COL28A1: variants seen among roughly 807,000 people sequenced by gnomAD.
The protein encoded by COL28A1 is collagen alpha-1(XXVIII) chain.
In COL28A1, 161 loss-of-function variants were observed where a neutral mutation model predicts 150.2. The observed-to-expected ratio is 1.07, with a 90% CI of 0.94 to 1.22. The LOEUF (loss-of-function observed/expected upper bound fraction) is 1.22. Ranked by LOEUF, COL28A1 falls within the 50% of genes most tolerant of loss-of-function variation. COL28A1 has a pLI of 0.00. For missense variants in COL28A1, 1,617 were observed against 1,388.3 expected (o/e 1.16, Z -2.62); for synonymous variants, 552 against 469.7 (o/e 1.18, Z -2.26).
Position 7,424,222 on chromosome 7 carries a change from T to C in COL28A1, c.1999-4269A>G, listed in dbSNP as rs150448615. Among the ~76,000 whole-genome samples the C allele has an allele frequency of 9.2e-5, 14 of 152,310 alleles. 1 individual carries two copies. The East Asian group carries it at 2.7e-3, about 29-fold the overall frequency. ...TCAGTGTATATGTACCATACTTTGATAGATGGGAACATTAGGCATTTAATG... is the reference window on the plus strand; with the variant it reads ...TCAGTGTATATGTACCATACTTTGACAGATGGGAACATTAGGCATTTAATG... On this transcript the variant is annotated intron_variant, in intron 25 of 34. Transcript: ENST00000399429.
intron 2 of COL28A1, 142 bp from the exon 3 acceptor site, chr7:7,532,046 G>C: frequency 1.8e-6 from 1 of 545,792 alleles, no homozygotes; most frequent in African/African-American, 1.9e-5. Flanking sequence ...ACGTTGGACA[G>C]AAGGCTTCAA....
At chr7:7,515,009 C>T (rs1453659953) in intron 8 of COL28A1, among the ~76,000 whole-genome samples, 1 of 152,180 alleles carries the variant, frequency 6.6e-6, no homozygotes. Flanking sequence ...CCTGCAGACT[C>T]CTGGCTCCAT....
At chr7:7,349,921 A>T in the COL28A1 span, among the ~76,000 whole-genome samples, 2,132 of 152,208 alleles carry the variant, frequency 0.014, 65 homozygotes, top group African/African-American at 0.049. Flanking sequence ...TCTCAAAAAG[A>T]AGCAAATAGT....
intron 11 of COL28A1, 106 bp downstream of exon 11, chr7:7,505,908 G>T: frequency 1.3e-6 from 1 of 751,594 alleles, no homozygotes; most frequent in Non-Finnish European, 2.4e-6. Context: ...ATTTCCAAAG[G>T]TACTTCCTCA....
intron 25 of COL28A1, among the ~76,000 whole-genome samples, chr7:7,428,032 T>C (rs1049118664): frequency 6.6e-6 from 1 of 152,246 alleles, no homozygotes; most frequent in African/African-American, 2.4e-5. Flanking sequence ...AAGAGACAAG[T>C]TGCTCAACCT....
At chr7:7,346,356 T>A in the COL28A1 span, among the ~76,000 whole-genome samples, 5 of 152,182 alleles carry the variant, frequency 3.3e-5, no homozygotes, top group African/African-American at 1.2e-4. Context: ...AGTCTCTAAT[T>A]TTAAACAGAT....
intron 31 of COL28A1, 91 bp downstream of exon 31, chr7:7,375,370 T>C: frequency 1.7e-6 from 2 of 1,200,014 alleles, no homozygotes; most frequent in Non-Finnish European, 2.2e-6. Flanking sequence ...AGCTATATAA[T>C]ATACATCTGG....
chr7:7,409,651 A>C (rs767705369), intron 27 of COL28A1, among the ~76,000 whole-genome samples: 33 of 152,318 alleles, frequency 2.2e-4, no homozygotes, highest in Admixed American at 1.2e-3. Context: ...ACAATGTCTT[A>C]TCTTTATTAC....
intron 25 of COL28A1, among the ~76,000 whole-genome samples, chr7:7,432,152 T>G (rs1416101774): frequency 1.3e-5 from 2 of 152,122 alleles, no homozygotes; most frequent in African/African-American, 4.8e-5. Context: ...GTTAAAGCCA[T>G]GGGGCTGGAC....
rs188169834 is a variant in COL28A1, at chr7:7,456,859, G to A, written c.1303-747C>T. ...ATAACTAGTATGTTGAATAATAAGTGTGAAGGAGAAAAATTAATCAGGGAA... is the reference window on the plus strand; with the variant it reads ...ATAACTAGTATGTTGAATAATAAGTATGAAGGAGAAAAATTAATCAGGGAA... On this transcript the variant is annotated intron_variant, in intron 15 of 34. Transcript: ENST00000399429. Among the ~76,000 whole-genome samples, 175 of 152,316 alleles carry A rather than the reference G, an allele frequency of 1.1e-3. 1 individual carries two copies. Among genetic ancestry groups the A allele is most frequent in the African/African-American group, 4.0e-3 (168 of 41,562 alleles).
intron 8 of COL28A1, among the ~76,000 whole-genome samples, chr7:7,514,580 T>A (rs890945605): frequency 1.3e-5 from 2 of 152,226 alleles, no homozygotes; most frequent in African/African-American, 2.4e-5. Context: ...GGCAAGAGTG[T>A]AAGTGGAAGC....
chr7:7,400,306 C>T (rs924975008), intron 27 of COL28A1, among the ~76,000 whole-genome samples: 6 of 152,008 alleles, frequency 3.9e-5, no homozygotes, highest in African/African-American at 1.4e-4. Context: ...AAGAGCAAGG[C>T]AGAGGGAGAT....
At chr7:7,409,265 T>C (rs567489437) in intron 27 of COL28A1, among the ~76,000 whole-genome samples, 16 of 152,268 alleles carry the variant, frequency 1.1e-4, no homozygotes, top group Admixed American at 3.3e-4. Flanking sequence ...ATGAAATTCA[T>C]GCGCTATAAA....
chr7:7,352,227 T>G (rs1780245266), downstream of COL28A1, among the ~76,000 whole-genome samples: 3 of 152,192 alleles, frequency 2.0e-5, no homozygotes, highest in South Asian at 6.2e-4. Context: ...TTTAATTTAT[T>G]GAGTTCTTCT....
chr7:7,392,405 C>T (rs2128294752), intron 27 of COL28A1, among the ~76,000 whole-genome samples: 1 of 152,310 alleles, frequency 6.6e-6, no homozygotes, highest in East Asian at 1.9e-4. Flanking sequence ...CTGCCCTTAA[C>T]ATTTTTTCCT....
At chr7:7,484,485 T>A (rs1223954666) in intron 13 of COL28A1, among the ~76,000 whole-genome samples, 1 of 151,968 alleles carries the variant, frequency 6.6e-6, no homozygotes, top group Non-Finnish European at 1.5e-5. Flanking sequence ...CTATGTCAAC[T>A]AAGAAATGGG....
At chr7:7,466,101 T>C (rs1407389578) in intron 15 of COL28A1, among the ~76,000 whole-genome samples, 2 of 136,426 alleles carry the variant, frequency 1.5e-5, no homozygotes, top group Non-Finnish European at 3.2e-5. Flanking sequence ...CAAAGCTGGA[T>C]GGAGAATGAC....
chr7:7,533,934 A>G (rs1344836468), intron 1 of COL28A1, among the ~76,000 whole-genome samples: 2 of 152,114 alleles, frequency 1.3e-5, no homozygotes, highest in African/African-American at 4.8e-5. Context: ...AAGGAATCAC[A>G]TTTTCCTTCT....
At chr7:7,482,143 C>T (rs1168425346) in intron 13 of COL28A1, among the ~76,000 whole-genome samples, 1 of 152,156 alleles carries the variant, frequency 6.6e-6, no homozygotes, top group Non-Finnish European at 1.5e-5. Context: ...TGAAATAATT[C>T]AGGCAAAGAA....
Sources: allele counts gnomAD v4.1 joint callset (sites outside exome capture counted in the v4.1 genomes callset), GRCh38; gene constraint gnomAD v4.1.1; transcripts MANE v1.5; gene names NCBI Gene and HGNC (gene_info 2026-07-23, HGNC 2026-07-21).